HCN4: variants seen among roughly 807,000 people sequenced by gnomAD.
The protein encoded by HCN4 is hyperpolarization activated cyclic nucleotide gated potassium channel 4.
HCN4 carries 29 observed loss-of-function variants against 76.9 expected under a neutral mutation model. The observed-to-expected ratio is 0.38, with a 90% CI of 0.28 to 0.51. The LOEUF (loss-of-function observed/expected upper bound fraction) is 0.51, where lower values mean the gene tolerates loss of function less well. HCN4 is among the 20% of genes least tolerant of loss of function. HCN4 has a pLI of 0.90. For synonymous variants in HCN4, 772 were observed against 762.5 expected (o/e 1.01, Z -0.21); for missense variants, 1,416 against 1,715.2 (o/e 0.83, Z 3.08).
intron 1 of HCN4, among the ~76,000 whole-genome samples, chr15:73,359,881 TC>T (rs2151225943): frequency 6.6e-6 from 1 of 152,226 alleles, no homozygotes; most frequent in Admixed American, 6.5e-5. Flanking sequence ...TTGCCCCTTC[TC>T]CTCTGAACCC....
chr15:73,366,589 C>G (rs1272398356), intron 1 of HCN4, among the ~76,000 whole-genome samples: 1 of 152,156 alleles, frequency 6.6e-6, no homozygotes, highest in East Asian at 1.9e-4. Flanking sequence ...TCTTTTTGCA[C>G]AAATATGCCC....
chr15:73,350,252 C>T (rs1349679982), intron 1 of HCN4, among the ~76,000 whole-genome samples: 1 of 152,200 alleles, frequency 6.6e-6, no homozygotes, highest in Non-Finnish European at 1.5e-5. Context: ...CTCTCTAAAA[C>T]CAACGCCTTT....
At chr15:73,364,134 G>C (rs2043118325) in intron 1 of HCN4, among the ~76,000 whole-genome samples, 1 of 152,136 alleles carries the variant, frequency 6.6e-6, no homozygotes, top group South Asian at 2.1e-4. Flanking sequence ...GCTCAGTCTA[G>C]GAGAGGGTAG....
At chr15:73,333,390 G>A (rs1351284569) in intron 2 of HCN4, among the ~76,000 whole-genome samples, 4 of 152,146 alleles carry the variant, frequency 2.6e-5, no homozygotes, top group African/African-American at 9.7e-5. Context: ...TCTTGGAGGG[G>A]GGCTTGGGTC....
At chr15:73,365,446 T>G (rs1297677321) in intron 1 of HCN4, among the ~76,000 whole-genome samples, 1 of 152,180 alleles carries the variant, frequency 6.6e-6, no homozygotes, top group Non-Finnish European at 1.5e-5. Flanking sequence ...CATTTCACAA[T>G]TCTGCTGTAT....
At chr15:73,342,560 A>G (rs1365831887) in intron 2 of HCN4, among the ~76,000 whole-genome samples, 1 of 152,212 alleles carries the variant, frequency 6.6e-6, no homozygotes, top group Non-Finnish European at 1.5e-5. Flanking sequence ...TGTGGCGCAC[A>G]CTATCCTCAG....
rs1014168107 is a variant in HCN4, at chr15:73,367,136, G to C, written c.785+350C>G. ...CTGAATGACCCGGAGCTGCCTCTAG[G>C]ATGGCCATCCTGACTCTGCAGCCTT... On this transcript the variant is annotated intron_variant, in intron 1 of 7. Coordinates refer to ENST00000261917, the MANE Select transcript of HCN4 (RefSeq NM_005477.3). This position sits in a 1 kb window ranked among gnomAD's most constrained non-coding sequence, Gnocchi z 7.5. 1.3e-4 allele frequency among the ~76,000 whole-genome samples: 20 copies of C among 152,324 alleles called. No individual in the cohort carries two copies. Among genetic ancestry groups the C allele is most frequent in the African/African-American group, 4.8e-4 (20 of 41,578 alleles).
At position 73,325,531 on chromosome 15, in the gene HCN4, G is replaced by C; in HGVS notation, c.1591-87C>G. Reference sequence around the variant, plus strand: ...ACCACCTCGGCAGGCACCACATCCGGGCACCCACCCCGGGGGATTTCCTGG... The same window carrying C: ...ACCACCTCGGCAGGCACCACATCCGCGCACCCACCCCGGGGGATTTCCTGG... On this transcript the variant is annotated intron_variant, in intron 4 of 7. Transcript: ENST00000261917. This position sits in a 1 kb window ranked among gnomAD's most constrained non-coding sequence, Gnocchi z 7.4. The C allele has an allele frequency of 5.2e-6, 7 of 1,358,202 alleles. No homozygotes were observed. Among genetic ancestry groups the C allele is most frequent in the Non-Finnish European group, 7.4e-6 (7 of 947,294 alleles). 84.1% of individuals were successfully genotyped at this position (1,358,202 alleles called of 1,614,324 possible). A position where few individuals can be genotyped will look rare whatever the true frequency, so the allele number is the denominator to read the frequency against.
Position 73,323,477 on chromosome 15 carries a change from G to C in HCN4, c.2616C>G (p.Ser872Arg), listed in dbSNP as rs773525527. Reference protein sequence around the residue: ...LAGFSAPAGLSPLLPSSSSSP... With the variant: ...LAGFSAPAGLRPLLPSSSSSP... Reference sequence around the variant, plus strand: ...AGGAGCTGGATGAGGGCAGGAGTGGGCTCAGTCCAGCGGGGGCAGAGAATC... The same window carrying C: ...AGGAGCTGGATGAGGGCAGGAGTGGCCTCAGTCCAGCGGGGGCAGAGAATC... The change falls in exon 8 of 8, where the codon AGC becomes AGG. Residue 872 changes from serine (S) to arginine (R), a missense_variant. Physicochemically the swap from Ser to Arg is moderately radical, Grantham distance 110 (BLOSUM62 -1). This residue lies in a region of HCN4 where 633 missense variants were observed against 579.8 expected (regional missense o/e 1.09). Coordinates refer to ENST00000261917, the MANE Select transcript of HCN4 (RefSeq NM_005477.3). 1.2e-5 allele frequency: 19 copies of C among 1,605,480 alleles called. No homozygotes were observed. The highest frequency in any genetic ancestry group is 1.6e-5 in the Non-Finnish European group (19 of 1,179,680).
chr15:73,346,160 C>T (rs1295728904), intron 1 of HCN4, among the ~76,000 whole-genome samples: 1 of 152,182 alleles, frequency 6.6e-6, no homozygotes, highest in East Asian at 1.9e-4. Context: ...TTCCCACAAA[C>T]CACTACCCTG....
In HCN4 at chr15:73,323,754, G is replaced by A. The variant is rs1472674666; in HGVS notation, c.2339C>T (p.Ala780Val). The change falls in exon 8 of 8, where the codon GCA becomes GTA. Residue 780 changes from alanine (A) to valine (V), a missense_variant. Ala to Val is a moderately conservative substitution (Grantham distance 64). Transcript: ENST00000261917. ...TPVIWTPLIQ[A>V]PLQAAAATTS... ...GGTGGCAGCGGCAGCCTGCAGTGGT[G>A]CCTGGATCAGCGGGGTCCAGATGAC... 1 of 1,607,032 alleles carries A rather than the reference G, an allele frequency of 6.2e-7. No individual in the cohort carries two copies. The highest frequency in any genetic ancestry group is 8.5e-7 in the Non-Finnish European group (1 of 1,177,486).
intron 2 of HCN4, chr15:73,341,068 A>AGGTG (rs1555477049): frequency 1.2e-5 from 1 of 85,304 alleles, no homozygotes; most frequent in Non-Finnish European, 2.2e-5. Context: ...GGAGGGAGGT[A>AGGTG]GGTGTGTGTG....
chr15:73,329,438 C>T (rs2042919293), intron 4 of HCN4, 135 bp downstream of exon 4: 1 of 765,142 alleles, frequency 1.3e-6, no homozygotes, highest in Non-Finnish European at 2.2e-6. Flanking sequence ...CCTCCTCCTG[C>T]TCTTCCCTCA....
intron 2 of HCN4, among the ~76,000 whole-genome samples, chr15:73,333,445 C>G (rs1355606566): frequency 6.6e-6 from 1 of 152,182 alleles, no homozygotes; most frequent in Non-Finnish European, 1.5e-5. Flanking sequence ...GATGTGGAAA[C>G]TAGGCCCAAA....
intron 1 of HCN4, among the ~76,000 whole-genome samples, chr15:73,361,631 G>A (rs1045606139): frequency 2.6e-5 from 4 of 152,194 alleles, no homozygotes; most frequent in Admixed American, 6.5e-5. Context: ...CTTCTGCTCT[G>A]AGTGAATTCC....
intron 1 of HCN4, among the ~76,000 whole-genome samples, chr15:73,361,187 C>T (rs932026888): frequency 6.6e-6 from 1 of 152,186 alleles, no homozygotes. Flanking sequence ...AACCTCTGAT[C>T]GAAGTACTGC....
At chr15:73,331,131 C>T (rs1331816992) in intron 3 of HCN4, among the ~76,000 whole-genome samples, 1 of 152,200 alleles carries the variant, frequency 6.6e-6, no homozygotes, top group African/African-American at 2.4e-5. Context: ...ACCAGAGACA[C>T]AGAAAGGCTC....
rs548823082 is a variant in HCN4, at chr15:73,367,009, T to A, written c.785+477A>T. On this transcript the variant is annotated intron_variant, in intron 1 of 7. Coordinates refer to ENST00000261917, the MANE Select transcript of HCN4 (RefSeq NM_005477.3). This position sits in a 1 kb window ranked among gnomAD's most constrained non-coding sequence, Gnocchi z 7.5. ...GTCCTCCAGGGACCCGGCCGCAGCTTCCCAGGGCACCAGAAAGCAGACATA... is the reference window on the plus strand; with the variant it reads ...GTCCTCCAGGGACCCGGCCGCAGCTACCCAGGGCACCAGAAAGCAGACATA... Among the ~76,000 whole-genome samples the A allele has an allele frequency of 1.5e-4, 23 of 152,228 alleles. No individual in the cohort carries two copies. The East Asian group carries it at 4.5e-3, about 29-fold the overall frequency.
At chr15:73,337,519 G>C (rs1293005096) in intron 2 of HCN4, among the ~76,000 whole-genome samples, 4 of 152,208 alleles carry the variant, frequency 2.6e-5, no homozygotes, top group Non-Finnish European at 5.9e-5. Context: ...GAGCATCGAA[G>C]GTGGCATGTT....
Sources: gnomAD v4.1 joint callset for allele counts (sites outside exome capture counted in the v4.1 genomes callset) on GRCh38, gnomAD v4.1.1 for gene constraint, gnomAD v4.1.1 regional missense constraint, Gnocchi (gnomAD v3.1) non-coding constraint, MANE v1.5 for transcripts, NCBI Gene and HGNC (gene_info 2026-07-23, HGNC 2026-07-21) for gene names.